Variants in FAM163A observed in about 807,000 individuals in gnomAD.
FAM163A encodes family with sequence similarity 163 member A.
A neutral mutation model predicts 12.0 loss-of-function variants in FAM163A; 7 were observed. The ratio of observed to expected loss-of-function variants is 0.58; its 90% CI spans 0.33 to 1.10. The LOEUF is 1.10. Ranked by LOEUF, FAM163A falls within the 50% of genes least tolerant of loss-of-function variation. The pLI is 0.03. For missense variants in FAM163A, 202 were observed against 218.6 expected (o/e 0.92, Z 0.48); for synonymous variants, 101 against 91.0 (o/e 1.11, Z -0.62).
chr1:179,787,558 T>C (rs919412672), intron 1 of FAM163A, among the ~76,000 whole-genome samples: 5 of 152,042 alleles, frequency 3.3e-5, no homozygotes, highest in Non-Finnish European at 7.4e-5. Context: ...AGGGGTGAAA[T>C]CAGGAAACAC....
At chr1:179,783,835 T>G (rs1690204379) in intron 1 of FAM163A, among the ~76,000 whole-genome samples, 1 of 146,534 alleles carries the variant, frequency 6.8e-6, no homozygotes, top group Non-Finnish European at 1.5e-5. Flanking sequence ...ATTATATATA[T>G]AAATTGTATA....
At chr1:179,774,072 G>A (rs115639590) in intron 1 of FAM163A, among the ~76,000 whole-genome samples, 1 of 152,230 alleles carries the variant, frequency 6.6e-6, no homozygotes, top group Non-Finnish European at 1.5e-5. Flanking sequence ...ATGTTCTGGA[G>A]CTCTCTTCCT....
the FAM163A span, among the ~76,000 whole-genome samples, chr1:179,735,598 G>C: frequency 1.4e-5 from 2 of 138,196 alleles, no homozygotes; most frequent in Non-Finnish European, 3.0e-5. Flanking sequence ...CTGCCTCCCG[G>C]GTTCACGCCA....
chr1:179,798,775 T>C (rs1692746327), intron 1 of FAM163A, among the ~76,000 whole-genome samples: 2 of 152,144 alleles, frequency 1.3e-5, no homozygotes, highest in Non-Finnish European at 2.9e-5. Context: ...CTGCACGATG[T>C]GGGTGGACAC....
the FAM163A span, among the ~76,000 whole-genome samples, chr1:179,735,792 C>A: frequency 6.6e-6 from 1 of 152,090 alleles, no homozygotes; most frequent in African/African-American, 2.4e-5. Context: ...CGTGAGCCAC[C>A]GCCCCCAGCC....
chr1:179,738,215 T>C, the FAM163A span, among the ~76,000 whole-genome samples: 20 of 152,216 alleles, frequency 1.3e-4, no homozygotes, highest in African/African-American at 4.6e-4. Context: ...GAATTAATTG[T>C]ATATTTTCAA....
intron 1 of FAM163A, among the ~76,000 whole-genome samples, chr1:179,806,198 C>G (rs1256343419): frequency 6.6e-6 from 1 of 152,216 alleles, no homozygotes; most frequent in Non-Finnish European, 1.5e-5. Context: ...ACAGTCTGTG[C>G]ACAGCCAGGG....
At chr1:179,767,518 G>A (rs184459417) in intron 1 of FAM163A, among the ~76,000 whole-genome samples, 150 of 152,198 alleles carry the variant, frequency 9.9e-4, no homozygotes, top group African/African-American at 3.4e-3. Flanking sequence ...CAGCCAACTG[G>A]GAGCCTTCTC....
chr1:179,752,976 T>C (rs1251905236), intron 1 of FAM163A, among the ~76,000 whole-genome samples: 1 of 152,170 alleles, frequency 6.6e-6, no homozygotes, highest in Admixed American at 6.5e-5. Flanking sequence ...AATAAGAATC[T>C]TGAAAATATA....
At chr1:179,781,305 T>C (rs2148178952) in intron 1 of FAM163A, among the ~76,000 whole-genome samples, 1 of 152,318 alleles carries the variant, frequency 6.6e-6, no homozygotes, top group Middle Eastern at 3.4e-3. Flanking sequence ...GTGAATCTTA[T>C]ATGAATTTTA....
chr1:179,782,136 C>T (rs895952704), intron 1 of FAM163A, among the ~76,000 whole-genome samples: 1 of 152,064 alleles, frequency 6.6e-6, no homozygotes, highest in South Asian at 2.1e-4. Context: ...GAAATGATCT[C>T]ACGGGCCGGG....
At chr1:179,759,558 C>T (rs1686505191) in intron 1 of FAM163A, among the ~76,000 whole-genome samples, 1 of 152,044 alleles carries the variant, frequency 6.6e-6, no homozygotes, top group African/African-American at 2.4e-5. Flanking sequence ...ATCCCAAGAC[C>T]AGGAAGGGCT....
At chr1:179,813,415 C>T (rs981232744) in intron 4 of FAM163A, among the ~76,000 whole-genome samples, 116 of 152,270 alleles carry the variant, frequency 7.6e-4, no homozygotes, top group African/African-American at 2.0e-3. Context: ...TGGAAAGATA[C>T]GGGGTCATTG....
chr1:179,813,643 A>G, intron 4 of FAM163A, 136 bp from the exon 5 acceptor site: 2 of 958,100 alleles, frequency 2.1e-6, no homozygotes, highest in East Asian at 2.6e-5. Context: ...AAACTTGTGG[A>G]GCAGGCCCCT....
At chr1:179,761,544 A>G (rs1313928236) in intron 1 of FAM163A, among the ~76,000 whole-genome samples, 2 of 152,238 alleles carry the variant, frequency 1.3e-5, no homozygotes, top group African/African-American at 2.4e-5. Context: ...CTGTGTCTTT[A>G]TTTATTAACT....
At chr1:179,805,292 T>C (rs1231734265) in intron 1 of FAM163A, among the ~76,000 whole-genome samples, 1 of 152,102 alleles carries the variant, frequency 6.6e-6, no homozygotes, top group Admixed American at 6.5e-5. Flanking sequence ...CTGAGGCAGG[T>C]GGGTCACCTG....
rs1694175829 is a variant in FAM163A at position 179,807,893 on chromosome 1, G to A, written c.-45+5G>A. On this transcript the variant is annotated splice_donor_5th_base_variant and intron_variant, in intron 2 of 4. Transcript: ENST00000341785. ...CCGCTGCTCCAGCTGTTTCACGTAA[G>A]TGTAAGGCACGGGCCACTCCCTTTT... The A allele has an allele frequency of 6.6e-6, 1 of 152,354 alleles. No individual in the cohort carries two copies. Among genetic ancestry groups the A allele is most frequent in the Non-Finnish European group, 1.5e-5 (1 of 68,124 alleles). The allele number at this position is 152,354 out of a possible 1,614,324, so 9.4% of individuals were successfully genotyped here.
intron 1 of FAM163A, among the ~76,000 whole-genome samples, chr1:179,801,755 G>C (rs751634354): frequency 6.6e-6 from 1 of 152,158 alleles, no homozygotes; most frequent in Non-Finnish European, 1.5e-5. Flanking sequence ...CTCTGTGTGG[G>C]GACAGCACTC....
the FAM163A span, among the ~76,000 whole-genome samples, chr1:179,729,049 C>T: frequency 2.6e-5 from 4 of 152,288 alleles, no homozygotes; most frequent in Middle Eastern, 3.4e-3. Context: ...AGGATCAGAA[C>T]GGACCCTTTT....
Sources: gnomAD v4.1 joint callset for allele counts (sites outside exome capture counted in the v4.1 genomes callset) on GRCh38, gnomAD v4.1.1 for gene constraint, MANE v1.5 for transcripts, NCBI Gene and HGNC (gene_info 2026-07-23, HGNC 2026-07-21) for gene names.